ZNF750: variants seen among roughly 807,000 people sequenced by gnomAD.
The protein encoded by ZNF750 is protein ZNF750.
Under a neutral mutation model 31.6 loss-of-function variants are expected in ZNF750, and 10 were observed. That is an observed-to-expected ratio of 0.32 (90% CI 0.19 to 0.54). The LOEUF (loss-of-function observed/expected upper bound fraction) is 0.54. ZNF750 is among the 20% of genes least tolerant of loss of function. The pLI is 0.95. For missense variants in ZNF750, 914 were observed against 934.9 expected (o/e 0.98, Z 0.29); for synonymous variants, 400 against 404.9 (o/e 0.99, Z 0.15).
chr17:82,838,850 C>T (rs1379830537), intron 1 of ZNF750: 2 of 985,304 alleles, frequency 2.0e-6, no homozygotes, highest in African/African-American at 3.5e-5. Flanking sequence ...AACAAACGCT[C>T]ACCACTTTAC....
At position 82,832,694 on chromosome 17, in the gene ZNF750, G is replaced by C; in HGVS notation, c.-182-58C>G. The C allele has an allele frequency of 1.8e-6, 1 of 564,750 alleles. No homozygotes were observed. Among genetic ancestry groups the C allele is most frequent in the Non-Finnish European group, 3.2e-6 (1 of 316,812 alleles). 35.0% of individuals were successfully genotyped at this position (564,750 alleles called of 1,614,324 possible). A position where few individuals can be genotyped will look rare whatever the true frequency, so the allele number is the denominator to read the frequency against. Reference sequence around the variant, plus strand: ...GCGAGTGAGGGGTCGGCGAGAAGCCGGCCTCGGCTCGCCACAGTGCCACAG... The same window carrying C: ...GCGAGTGAGGGGTCGGCGAGAAGCCCGCCTCGGCTCGCCACAGTGCCACAG... On this transcript the variant is annotated intron_variant, in intron 1 of 2. Coordinates refer to ENST00000269394, the MANE Select transcript of ZNF750 (RefSeq NM_024702.3). This position sits in a 1 kb window ranked among gnomAD's most constrained non-coding sequence, Gnocchi z 4.9.
At chr17:82,839,354 T>C (rs566496996) in intron 1 of ZNF750, among the ~76,000 whole-genome samples, 5 of 151,562 alleles carry the variant, frequency 3.3e-5, no homozygotes, top group Non-Finnish European at 7.4e-5. Context: ...CACACACACA[T>C]ATATATAACC....
intron 1 of ZNF750, among the ~76,000 whole-genome samples, chr17:82,834,916 G>A (rs143946729): frequency 0.015 from 2,276 of 152,186 alleles, 32 homozygotes; most frequent in Non-Finnish European, 0.021. Flanking sequence ...TTAAATGGAG[G>A]GCTGGGGGCC....
chr17:82,836,312 A>G (rs2053968384), intron 1 of ZNF750, among the ~76,000 whole-genome samples: 1 of 152,246 alleles, frequency 6.6e-6, no homozygotes, highest in Non-Finnish European at 1.5e-5. Context: ...GAACCTCTGC[A>G]AGTCAGGTTC....
intron 1 of ZNF750, among the ~76,000 whole-genome samples, chr17:82,834,372 G>C (rs528325844): frequency 5.9e-5 from 9 of 152,176 alleles, no homozygotes; most frequent in Admixed American, 3.9e-4. Context: ...ATGGATCAAG[G>C]CTAAGCACTT....
intron 2 of ZNF750, 55 bp from the exon 3 acceptor site, chr17:82,830,932 T>C (rs2053448580): frequency 6.2e-7 from 1 of 1,613,130 alleles, no homozygotes; most frequent in Non-Finnish European, 8.5e-7. Context: ...AGCAACTGCG[T>C]GAAGCAGTGT....
At chr17:82,839,703 A>T (rs184344461) in intron 1 of ZNF750, among the ~76,000 whole-genome samples, 235 of 152,292 alleles carry the variant, frequency 1.5e-3, no homozygotes, top group Admixed American at 4.6e-3. Context: ...ATTTCCAGAT[A>T]AGCTTGTTCA....
Position 82,834,945 on chromosome 17 carries a change from C to A in ZNF750, c.-182-2309G>T, listed in dbSNP as rs188581721. On this transcript the variant is annotated intron_variant, in intron 1 of 2. Transcript: ENST00000269394. ...GGGGGCCGTGGCTCATGCCTGTAAT[C>A]CCAGCACTTTGGGAGGCCGAGGTGG... 2.8e-3 allele frequency among the ~76,000 whole-genome samples: 427 copies of A among 152,132 alleles called. 1 individual carries two copies. Among genetic ancestry groups the A allele is most frequent in the African/African-American group, 8.8e-3 (367 of 41,504 alleles).
At chr17:82,839,010 G>GA (rs1436765303) in intron 1 of ZNF750, 5 of 978,128 alleles carry the variant, frequency 5.1e-6, no homozygotes, top group Non-Finnish European at 6.1e-6. Context: ...TTCATATAAG[G>GA]AAAAAAACCC....
Position 82,833,641 on chromosome 17 carries a change from T to G in ZNF750, c.-182-1005A>C, listed in dbSNP as rs1453456856. Among the ~76,000 whole-genome samples the G allele has an allele frequency of 6.6e-6, 1 of 152,192 alleles. No homozygotes were observed. The highest frequency in any genetic ancestry group is 2.4e-5 in the African/African-American group (1 of 41,448). On this transcript the variant is annotated intron_variant, in intron 1 of 2. Transcript: ENST00000269394. This position sits in a 1 kb window ranked among gnomAD's most constrained non-coding sequence, Gnocchi z 4.7. Reference sequence around the variant, plus strand: ...GGCCAGCAGCGCCTGCCCGTCCAGATGCACCACCAAATGGAAGAACCAAAG... The same window carrying G: ...GGCCAGCAGCGCCTGCCCGTCCAGAGGCACCACCAAATGGAAGAACCAAAG...
In ZNF750 at chr17:82,831,738, G is replaced by C; in HGVS notation, c.717C>G (p.Ile239Met). ...GAISPYMHPT[I>M]PEYPPHFYTE... Reference sequence around the variant, plus strand: ...TGTAAAAGTGAGGCGGGTACTCTGGGATTGTGGGGTGCATGTAAGGGGAAA... The same window carrying C: ...TGTAAAAGTGAGGCGGGTACTCTGGCATTGTGGGGTGCATGTAAGGGGAAA... Residue 239 changes from isoleucine to methionine, a missense_variant, in exon 2 of 3, where the codon ATC (isoleucine) becomes ATG (methionine). Physicochemically the swap from Ile to Met is conservative, Grantham distance 10. Coordinates refer to ENST00000269394, the MANE Select transcript of ZNF750 (RefSeq NM_024702.3). This position sits in a 1 kb window ranked among gnomAD's most constrained non-coding sequence, Gnocchi z 4.6. 1 of 1,614,176 alleles carries C rather than the reference G, an allele frequency of 6.2e-7. No homozygotes were observed. The highest frequency in any genetic ancestry group is 2.2e-5 in the East Asian group (1 of 44,892).
chr17:82,838,805 G>C (rs1174570888), intron 1 of ZNF750: 1 of 985,220 alleles, frequency 1.0e-6, no homozygotes, highest in African/African-American at 1.7e-5. Context: ...CTCTAGTTTC[G>C]GCAGGAGATC....
chr17:82,835,280 C>T lies in ZNF750; in HGVS notation c.-182-2644G>A, dbSNP rs142290226. On this transcript the variant is annotated intron_variant, in intron 1 of 2. Transcript: ENST00000269394. The surrounding 1 kb of genome is among the most constrained non-coding windows in gnomAD (Gnocchi z 4.5). ...TCCCTGAAGCAAGGCGCCACCCCTCCTCCCTGCACCCGTGTCCTTCCTCCC... is the reference window on the plus strand; with the variant it reads ...TCCCTGAAGCAAGGCGCCACCCCTCTTCCCTGCACCCGTGTCCTTCCTCCC... Among the ~76,000 whole-genome samples the T allele has an allele frequency of 5.2e-4, 79 of 152,300 alleles. No homozygotes were observed. The highest frequency in any genetic ancestry group is 1.6e-3 in the African/African-American group (67 of 41,562).
At position 82,831,351 on chromosome 17, in the gene ZNF750, C is replaced by T. The variant is rs373136726; in HGVS notation, c.1104G>A (p.Ser368=). Residue 368 remains serine, a synonymous_variant, in exon 2 of 3, where the codon TCG becomes TCA. Coordinates refer to ENST00000269394, the MANE Select transcript of ZNF750 (RefSeq NM_024702.3). The surrounding 1 kb of genome is among the most constrained non-coding windows in gnomAD (Gnocchi z 4.6). ...PASSPSRLNP[S]DPNRKHVEFE... ...ACTCGACGTGTTTTCTGTTGGGGTC[C>T]GAAGGGTTTAACCTGGAAGGACTCG... is the stretch of plus-strand genomic sequence containing the variant. The T allele has an allele frequency of 2.2e-5, 36 of 1,613,980 alleles. No individual in the cohort carries two copies. The African/African-American group carries it at 3.1e-4, about 14-fold the overall frequency.
chr17:82,830,288 G>C lies in ZNF750; in HGVS notation c.2026C>G (p.Gln676Glu). The C allele has an allele frequency of 1.9e-6, 3 of 1,614,234 alleles. No homozygotes were observed. Among genetic ancestry groups the C allele is most frequent in the Non-Finnish European group, 2.5e-6 (3 of 1,180,048 alleles). ...DTPTLSSMESQEAQCDLRPKG... is the reference protein window; with the variant it reads ...DTPTLSSMESEEAQCDLRPKG... ...GGTCTGAGGTCACACTGGGCCTCTT[G>C]GCTCTCCATGGAGCTCAGTGTGGGT... The change falls in exon 3 of 3, where the codon CAA (glutamine) becomes GAA (glutamate). Residue 676 changes from glutamine to glutamate, a missense_variant. Gln to Glu is a conservative substitution (Grantham distance 29, BLOSUM62 2). Transcript: ENST00000269394.
Position 82,831,826 on chromosome 17 carries a change from C to T in ZNF750, c.629G>A (p.Gly210Asp), listed in dbSNP as rs1460230498. The change falls in exon 2 of 3, where the codon GGC (glycine) becomes GAC (aspartate). Residue 210 changes from glycine (G) to aspartate (D), a missense_variant. Around this residue, in one of 2 missense-constraint regions of ZNF750, gnomAD observed 880 missense variants for 868.9 expected, o/e 1.01. Coordinates refer to ENST00000269394, the MANE Select transcript of ZNF750 (RefSeq NM_024702.3). The surrounding 1 kb of genome is among the most constrained non-coding windows in gnomAD (Gnocchi z 4.6). ...AAACTCTGGTGGAAGGAAAGGTGAG[C>T]CGGCTTTCCAGGGGTAGCCAGGAGT... ...FHTPGYPWKAGSPFLPPEFPH... is the reference protein window; with the variant it reads ...FHTPGYPWKADSPFLPPEFPH... 1 of 1,614,024 alleles carries T rather than the reference C, an allele frequency of 6.2e-7. No individual in the cohort carries two copies. Among genetic ancestry groups the T allele is most frequent in the Admixed American group, 1.7e-5 (1 of 59,996 alleles).
rs1728451552 is a variant in ZNF750 at position 82,835,505 on chromosome 17, C to A, written c.-182-2869G>T. Among the ~76,000 whole-genome samples the A allele has an allele frequency of 6.6e-6, 1 of 152,136 alleles. No individual in the cohort carries two copies. The highest frequency in any genetic ancestry group is 6.5e-5 in the Admixed American group (1 of 15,282). On this transcript the variant is annotated intron_variant, in intron 1 of 2. Transcript: ENST00000269394. This position sits in a 1 kb window ranked among gnomAD's most constrained non-coding sequence, Gnocchi z 4.5. ...TGGTGCGATCTCGGTTCACTGCAAC[C>A]TCTGCCTCCTGGGTTCAAGAGATTC... is the stretch of plus-strand genomic sequence containing the variant.
In ZNF750 at chr17:82,830,185, G is replaced by A; in HGVS notation, c.2129C>T (p.Thr710Met). The change falls in exon 3 of 3, where the codon ACG (threonine) becomes ATG (methionine). Residue 710 changes from threonine (T) to methionine (M), a missense_variant. Physicochemically the swap from Thr to Met is moderately conservative, Grantham distance 81. Transcript: ENST00000269394. The part of the protein sequence containing the change: ...QGAKKAKLQD[T>M]ARVFTLRRRA... ...CCTTCGTAGTGTGAACACTCTGGCC[G>A]TGTCCTGCAGCTTCGCCTTCTTAGC... is the stretch of plus-strand genomic sequence containing the variant. 11 of 1,614,238 alleles carry A rather than the reference G, an allele frequency of 6.8e-6. No homozygotes were observed. Among genetic ancestry groups the A allele is most frequent in the Non-Finnish European group, 8.5e-6 (10 of 1,180,052 alleles).
chr17:82,838,808 A>C, intron 1 of ZNF750: 1 of 985,462 alleles, frequency 1.0e-6, no homozygotes, highest in East Asian at 1.1e-4. Context: ...TAGTTTCGGC[A>C]GGAGATCCCG....
Sources: gnomAD v4.1 joint callset for allele counts (sites outside exome capture counted in the v4.1 genomes callset) on GRCh38, gnomAD v4.1.1 for gene constraint, gnomAD v4.1.1 regional missense constraint, Gnocchi (gnomAD v3.1) non-coding constraint, MANE v1.5 for transcripts, NCBI Gene and HGNC (gene_info 2026-07-23, HGNC 2026-07-21) for gene names.